ARL10: variants seen among roughly 807,000 people sequenced by gnomAD.
ARL10 encodes ARF like GTPase 10, also known as ADP-ribosylation factor-like protein 10.
A neutral mutation model predicts 26.1 loss-of-function variants in ARL10; 23 were observed. That is an observed-to-expected ratio of 0.88 (90% CI 0.63 to 1.25). The LOEUF (loss-of-function observed/expected upper bound fraction) is 1.25. Among genes scored for constraint, ARL10 ranks in the 50% most tolerant of loss-of-function variants. The pLI is 0.00. For missense variants in ARL10, 300 were observed against 323.6 expected (o/e 0.93, Z 0.56); for synonymous variants, 138 against 149.1 (o/e 0.93, Z 0.54).
At chr5:176,383,228 A>C (rs1348946194), downstream of ARL10, among the ~76,000 whole-genome samples, 1 of 152,222 alleles carries the variant, frequency 6.6e-6, no homozygotes, top group Non-Finnish European at 1.5e-5. Context: ...TATGGAAAAA[A>C]CCAAGCCCTC....
intron 1 of ARL10, 41 bp downstream of exon 1, chr5:176,365,787 G>A: frequency 1.6e-6 from 2 of 1,231,936 alleles, no homozygotes; most frequent in Non-Finnish European, 2.0e-6. Context: ...CGGGCAGGCT[G>A]GGCTGCGACT....
At position 176,368,173 on chromosome 5, in the gene ARL10, G is replaced by C. The variant is rs931157917; in HGVS notation, c.386-634G>C. ...AGAGAGGAAAAGAAAGGTGATCCAG[G>C]CTGGGGGACTGTGTTGGCAACCATG... On this transcript the variant is annotated intron_variant, in intron 2 of 3. Transcript: ENST00000310389. The surrounding 1 kb of genome is among the most constrained non-coding windows in gnomAD (Gnocchi z 4.1). 5.0e-6 allele frequency: 2 copies of C among 398,666 alleles called. No homozygotes were observed. Among genetic ancestry groups the C allele is most frequent in the Admixed American group, 3.0e-5 (1 of 33,260 alleles). 24.7% of individuals were successfully genotyped at this position (398,666 alleles called of 1,614,324 possible).
At chr5:176,369,846 C>A (rs1298633139) in intron 3 of ARL10, among the ~76,000 whole-genome samples, 3 of 151,590 alleles carry the variant, frequency 2.0e-5, no homozygotes, top group Non-Finnish European at 4.4e-5. Context: ...ATAGTGCCAG[C>A]TACTTTAGAG....
chr5:176,383,547 G>A (rs1179989096), downstream of ARL10, among the ~76,000 whole-genome samples: 1 of 152,236 alleles, frequency 6.6e-6, no homozygotes, highest in Admixed American at 6.5e-5. Context: ...ACTTCAGACC[G>A]AGGCCAACAT....
In ARL10 at chr5:176,377,750, G is replaced by A. The variant is rs974976452; in HGVS notation, c.*5855G>A. 6.6e-6 allele frequency: 1 copy of A among 152,056 alleles called. No homozygotes were observed. The highest frequency in any genetic ancestry group is 2.4e-5 in the African/African-American group (1 of 41,358). The allele number at this position is 152,056 out of a possible 1,614,324, so 9.4% of individuals were successfully genotyped here. Reference sequence around the variant, plus strand: ...CTGGATCATCTTGCTCATTTGTGAGGTGCAGAGGTTGTTTTTTGTTTTTTT... The same window carrying A: ...CTGGATCATCTTGCTCATTTGTGAGATGCAGAGGTTGTTTTTTGTTTTTTT... On this transcript the variant is annotated 3_prime_UTR_variant, in exon 4 of 4. Transcript: ENST00000310389. The surrounding 1 kb of genome is among the most constrained non-coding windows in gnomAD (Gnocchi z 4.5).
At position 176,386,930 on chromosome 5, in the gene ARL10, G is replaced by T. The variant is rs1362399286; in HGVS notation, c.37-1365G>T. 3 of 1,608,844 alleles carry T rather than the reference G, an allele frequency of 1.9e-6. No individual in the cohort carries two copies. In the African/African-American group the frequency reaches 4.0e-5, roughly 21 times the overall value. On this transcript the variant is annotated intron_variant, in intron 1 of 1. Coordinates refer to the ARL10 transcript ENST00000503175. Reference sequence around the variant, plus strand: ...TTCACCTGCAGAGAACAGAGCCCTTGAGACCAGAAGGATCTTTGATGAGGG... The same window carrying T: ...TTCACCTGCAGAGAACAGAGCCCTTTAGACCAGAAGGATCTTTGATGAGGG...
rs1755556950 is a variant in ARL10, at chr5:176,381,754, A to T, written c.*9859A>T. 6.6e-6 allele frequency: 1 copy of T among 152,214 alleles called. No individual in the cohort carries two copies. The highest frequency in any genetic ancestry group is 2.4e-5 in the African/African-American group (1 of 41,452). 9.4% of individuals were successfully genotyped at this position (152,214 alleles called of 1,614,324 possible). On this transcript the variant is annotated 3_prime_UTR_variant, in exon 4 of 4. Coordinates refer to ENST00000310389, the MANE Select transcript of ARL10 (RefSeq NM_173664.6). ...GGCAGCTTTAGGCCAAACTTAACAA[A>T]GGTCACCTTTGGAACCAGCACTAAT...
chr5:176,396,474 C>T (rs1322612618), intron 1 of ARL10: 5 of 1,612,998 alleles, frequency 3.1e-6, no homozygotes, highest in Non-Finnish European at 4.2e-6. Flanking sequence ...AAAACAGACA[C>T]GTACACGTAG....
At chr5:176,406,524 G>A (rs1025471034), downstream of ARL10, 5 of 1,254,790 alleles carry the variant, frequency 4.0e-6, no homozygotes, top group Admixed American at 8.1e-5. Flanking sequence ...GCTAAAAGGA[G>A]GATGATGGGA....
At position 176,366,240 on chromosome 5, in the gene ARL10, C is replaced by T. The variant is rs962346451; in HGVS notation, c.184-140C>T. ...AATTCAGGACTGCAAAGGCGGCGTT[C>T]GTCCCACTCATCCAGACCATGCCTG... On this transcript the variant is annotated intron_variant, in intron 1 of 3. Coordinates refer to ENST00000310389, the MANE Select transcript of ARL10 (RefSeq NM_173664.6). 4.1e-6 allele frequency: 4 copies of T among 982,000 alleles called. No homozygotes were observed. In the African/African-American group the frequency reaches 6.6e-5, roughly 16 times the overall value. 60.8% of individuals were successfully genotyped at this position (982,000 alleles called of 1,614,324 possible).
intron 2 of ARL10, among the ~76,000 whole-genome samples, chr5:176,366,808 A>G (rs1028594580): frequency 6.6e-6 from 1 of 152,060 alleles, no homozygotes; most frequent in Non-Finnish European, 1.5e-5. Flanking sequence ...CATCACCCCT[A>G]CCAAAGTCGA....
Position 176,396,509 on chromosome 5 carries a change from T to C in ARL10, c.134-5232T>C, listed in dbSNP as rs550273130. 2.8e-5 allele frequency: 45 copies of C among 1,613,938 alleles called. 1 individual carries two copies. In the Admixed American group the frequency reaches 6.8e-4, roughly 25 times the overall value. ...GCCGATGATATCAGCATCTGGCTGCTGGTAGAATGCTTTGTCAGCGATCCT... is the reference window on the plus strand; with the variant it reads ...GCCGATGATATCAGCATCTGGCTGCCGGTAGAATGCTTTGTCAGCGATCCT... On this transcript the variant is annotated intron_variant, in intron 1 of 1. Transcript: ENST00000514533.
downstream of ARL10, chr5:176,389,499 C>A: frequency 6.2e-7 from 1 of 1,611,090 alleles, no homozygotes; most frequent in Non-Finnish European, 8.5e-7. Context: ...CGACCCTAAG[C>A]CCAGGGTCTG....
intron 2 of ARL10, 104 bp downstream of exon 2, chr5:176,366,685 C>G: frequency 7.6e-7 from 1 of 1,322,350 alleles, no homozygotes; most frequent in Non-Finnish European, 1.0e-6. Flanking sequence ...GCAGCACATT[C>G]CCCTCTACGA....
At chr5:176,387,022 G>A (rs2113592409) in intron 1 of ARL10, 1 of 833,004 alleles carries the variant, frequency 1.2e-6, no homozygotes, top group Non-Finnish European at 2.0e-6. Context: ...CCACGGTTAG[G>A]TAGAAGTAGG....
At position 176,375,851 on chromosome 5, in the gene ARL10, A is replaced by AT. The variant is rs1768683923; in HGVS notation, c.*3959dup. On this transcript the variant is annotated 3_prime_UTR_variant, in exon 4 of 4. Transcript: ENST00000310389. ...AGCCAGTGAGAAGGAACCCTACTGGATTTAACCCAGTGACATTATATAAGC... is the reference window on the plus strand; with the variant it reads ...AGCCAGTGAGAAGGAACCCTACTGGATTTTAACCCAGTGACATTATATAAGC... The AT allele has an allele frequency of 6.6e-6, 1 of 152,198 alleles. No individual in the cohort carries two copies. The highest frequency in any genetic ancestry group is 2.4e-5 in the African/African-American group (1 of 41,460). The allele number at this position is 152,198 out of a possible 1,614,324, so 9.4% of individuals were successfully genotyped here.
At chr5:176,389,383 G>T, downstream of ARL10, 1 of 1,614,106 alleles carries the variant, frequency 6.2e-7, no homozygotes, top group Non-Finnish European at 8.5e-7. Flanking sequence ...CCTTCCACCG[G>T]GGCAACAGCC....
chr5:176,369,564 T>C (rs66997553), intron 3 of ARL10, among the ~76,000 whole-genome samples: 20,954 of 152,180 alleles, frequency 0.14, 1,485 homozygotes, highest in Middle Eastern at 0.21. Context: ...CATTTCTTCT[T>C]ATGCTTCTGT....
chr5:176,399,355 G>A (rs1415993718), intron 1 of ARL10, among the ~76,000 whole-genome samples: 1 of 152,192 alleles, frequency 6.6e-6, no homozygotes, highest in Non-Finnish European at 1.5e-5. Context: ...TCTGCAGCCA[G>A]GCTGTCTCGG....
Sources: allele counts gnomAD v4.1 joint callset (sites outside exome capture counted in the v4.1 genomes callset), GRCh38; gene constraint gnomAD v4.1.1; non-coding constraint Gnocchi (gnomAD v3.1); transcripts MANE v1.5; gene names NCBI Gene and HGNC (gene_info 2026-07-23, HGNC 2026-07-21).